PYGL: variants seen among roughly 807,000 people sequenced by gnomAD.
PYGL encodes the protein glycogen phosphorylase, liver form.
Under a neutral mutation model 100.1 loss-of-function variants are expected in PYGL, and 90 were observed. The ratio of observed to expected loss-of-function variants is 0.90; its 90% CI spans 0.76 to 1.07. The LOEUF is 1.07. PYGL is among the 50% of genes least tolerant of loss of function. PYGL has a pLI of 0.00. For synonymous variants in PYGL, 373 were observed against 393.0 expected (o/e 0.95, Z 0.60); for missense variants, 1,016 against 1,057.6 (o/e 0.96, Z 0.55).
chr14:50,944,438 G>A lies in PYGL; in HGVS notation c.-35C>T, dbSNP rs1445941829. The A allele has an allele frequency of 6.3e-7, 1 of 1,576,814 alleles. No individual in the cohort carries two copies. The highest frequency in any genetic ancestry group is 1.1e-5 in the South Asian group (1 of 88,484). Reference sequence around the variant, plus strand: ...GGCGGGCTGCGCGGCGGGCTGCGCAGAGAGCTGGAAGTGCGGCCGGAGGCG... The same window carrying A: ...GGCGGGCTGCGCGGCGGGCTGCGCAAAGAGCTGGAAGTGCGGCCGGAGGCG... On this transcript the variant is annotated 5_prime_UTR_variant, in exon 1 of 20. Coordinates refer to ENST00000216392, the MANE Select transcript of PYGL (RefSeq NM_002863.5).
chr14:50,907,073 A>G (rs2050343248), intron 19 of PYGL, among the ~76,000 whole-genome samples: 2 of 152,132 alleles, frequency 1.3e-5, no homozygotes, highest in Admixed American at 1.3e-4. Context: ...AAATTCACTA[A>G]AAGTCTCTCC....
Position 50,911,721 on chromosome 14 carries a change from G to C in PYGL, c.1969+9C>G, listed in dbSNP as rs770620215. 2 of 1,614,066 alleles carry C rather than the reference G, an allele frequency of 1.2e-6. No homozygotes were observed. Among genetic ancestry groups the C allele is most frequent in the Non-Finnish European group, 1.7e-6 (2 of 1,179,966 alleles). ...CTGGCCCCTGCATATTTTGCAATGA[G>C]GGTAGTACCTTTTTCAGCAAGAGAT... On this transcript the variant is annotated intron_variant, in intron 16 of 19. Coordinates refer to ENST00000216392, the MANE Select transcript of PYGL (RefSeq NM_002863.5).
chr14:50,912,882 A>G (rs2050412268), intron 13 of PYGL, 147 bp downstream of exon 13: 2 of 679,770 alleles, frequency 2.9e-6, no homozygotes, highest in South Asian at 3.3e-5. Context: ...TGAACCTGGG[A>G]GGCGGAGGTT....
At chr14:50,911,622 C>A in intron 16 of PYGL, 108 bp downstream of exon 16, 1 of 1,427,472 alleles carries the variant, frequency 7.0e-7, no homozygotes, top group Non-Finnish European at 9.8e-7. Flanking sequence ...AGAGTGACAC[C>A]TTCTATCCTA....
Position 50,915,851 on chromosome 14 carries a change from A to G in PYGL, c.1213T>C (p.Tyr405His). The part of the protein sequence containing the change: ...KLLPRHLEII[Y>H]EINQKHLDRI... ...TCTAAATGCTTCTGATTTATCTCAT[A>G]AATGATTTCCAAATGTCGAGGGAGC... The change falls in exon 10 of 20, where the codon TAT (tyrosine) becomes CAT (histidine). Residue 405 changes from tyrosine to histidine, a missense_variant. Coordinates refer to ENST00000216392, the MANE Select transcript of PYGL (RefSeq NM_002863.5). The G allele has an allele frequency of 6.2e-7, 1 of 1,614,132 alleles. No individual in the cohort carries two copies. Among genetic ancestry groups the G allele is most frequent in the Non-Finnish European group, 8.5e-7 (1 of 1,179,964 alleles).
rs2050445754 is a variant in PYGL, at chr14:50,915,978, G to C, written c.1093-7C>G. ...TCTGGGTGAGCTCCCATGCCTGGGG[G>C]AAAGGAAGGAGTCAGCTGCTTGCCC... On this transcript the variant is annotated splice_region_variant and splice_polypyrimidine_tract_variant and intron_variant, in intron 9 of 19. Coordinates refer to ENST00000216392, the MANE Select transcript of PYGL (RefSeq NM_002863.5). 7 of 1,613,806 alleles carry C rather than the reference G, an allele frequency of 4.3e-6. No homozygotes were observed. The highest frequency in any genetic ancestry group is 1.7e-5 in the Admixed American group (1 of 60,006).
At chr14:50,940,671 A>G (rs2050695098) in intron 1 of PYGL, among the ~76,000 whole-genome samples, 1 of 152,232 alleles carries the variant, frequency 6.6e-6, no homozygotes, top group Admixed American at 6.5e-5. Context: ...CATATGACTG[A>G]TAGTAAAATA....
chr14:50,941,069 A>G (rs2050698008), intron 1 of PYGL, among the ~76,000 whole-genome samples: 1 of 152,230 alleles, frequency 6.6e-6, no homozygotes, highest in South Asian at 2.1e-4. Context: ...GTGCTTTCGA[A>G]TACTTGCTTA....
rs538311514 is a variant in PYGL at position 50,944,432 on chromosome 14, T to G, written c.-29A>C. 1,267 of 1,584,014 alleles carry G rather than the reference T, an allele frequency of 8.0e-4. 19 individuals are homozygous for G. The South Asian group carries it at 0.013, about 17-fold the overall frequency. Reference sequence around the variant, plus strand: ...TGGGGCGGCGGGCTGCGCGGCGGGCTGCGCAGAGAGCTGGAAGTGCGGCCG... The same window carrying G: ...TGGGGCGGCGGGCTGCGCGGCGGGCGGCGCAGAGAGCTGGAAGTGCGGCCG... On this transcript the variant is annotated 5_prime_UTR_variant, in exon 1 of 20. Transcript: ENST00000216392.
chr14:50,938,133 G>A (rs1289775610), intron 1 of PYGL, among the ~76,000 whole-genome samples: 3 of 152,204 alleles, frequency 2.0e-5, no homozygotes, highest in Non-Finnish European at 4.4e-5. Context: ...AAACCTTGCT[G>A]ATAAAAGGTT....
At chr14:50,916,549 T>G (rs762383117) in intron 9 of PYGL, 93 bp downstream of exon 9, 173 of 1,166,306 alleles carry the variant, frequency 1.5e-4, no homozygotes, top group Admixed American at 6.1e-4. Context: ...CAACAATAAC[T>G]TACTTTGAAA....
chr14:50,940,162 T>G, intron 1 of PYGL, among the ~76,000 whole-genome samples: 1 of 152,236 alleles, frequency 6.6e-6, no homozygotes, highest in Non-Finnish European at 1.5e-5. Context: ...TGATGACCGC[T>G]GTCACAGGTA....
chr14:50,943,344 T>C (rs2050717147), intron 1 of PYGL, among the ~76,000 whole-genome samples: 1 of 152,218 alleles, frequency 6.6e-6, no homozygotes, highest in African/African-American at 2.4e-5. Context: ...GGCAGAGATA[T>C]TGTCCCTCTG....
chr14:50,931,236 G>A (rs1410844135), intron 4 of PYGL, among the ~76,000 whole-genome samples: 5 of 152,034 alleles, frequency 3.3e-5, no homozygotes, highest in African/African-American at 4.8e-5. Context: ...TGTGATCTGA[G>A]GTAACTTTAC....
intron 1 of PYGL, among the ~76,000 whole-genome samples, 189 bp downstream of exon 1, chr14:50,943,972 G>A (rs1295118327): frequency 6.6e-6 from 1 of 152,198 alleles, no homozygotes; most frequent in Non-Finnish European, 1.5e-5. Flanking sequence ...TGAGTTCGGC[G>A]TCTGTTGGGA....
intron 2 of PYGL, among the ~76,000 whole-genome samples, chr14:50,935,963 G>A (rs1417635452): frequency 6.6e-6 from 1 of 152,208 alleles, no homozygotes; most frequent in East Asian, 1.9e-4. Context: ...ACTTGGGCAC[G>A]GATGGGACTG....
intron 3 of PYGL, among the ~76,000 whole-genome samples, chr14:50,932,584 C>T (rs539676786): frequency 1.1e-4 from 17 of 152,194 alleles, no homozygotes; most frequent in Non-Finnish European, 2.5e-4. Context: ...AATGGCCTTA[C>T]CTCTGGAGTT....
chr14:50,912,940 CGA>C (rs1227497333), intron 13 of PYGL, 87 bp downstream of exon 13: 1 of 1,228,052 alleles, frequency 8.1e-7, no homozygotes, highest in Non-Finnish European at 1.2e-6. Flanking sequence ...GGCAACAGAG[CGA>C]GACTCTGTCT....
chr14:50,922,405 T>C (rs75911115), intron 5 of PYGL, among the ~76,000 whole-genome samples: 41 of 152,312 alleles, frequency 2.7e-4, no homozygotes, highest in African/African-American at 8.7e-4. Flanking sequence ...ATCACCCTCA[T>C]TTAAATATCT....
Sources: gnomAD v4.1 joint callset for allele counts (sites outside exome capture counted in the v4.1 genomes callset) on GRCh38, gnomAD v4.1.1 for gene constraint, MANE v1.5 for transcripts, NCBI Gene and HGNC (gene_info 2026-07-23, HGNC 2026-07-21) for gene names.